The following COL24A1 variants were observed in gnomAD, a reference collection of about 807,000 sequenced individuals.
The protein encoded by COL24A1 is collagen alpha-1(XXIV) chain.
A neutral mutation model predicts 253.9 loss-of-function variants in COL24A1; 224 were observed. The ratio of observed to expected loss-of-function variants is 0.88; its 90% confidence interval spans 0.79 to 0.99. The LOEUF (loss-of-function observed/expected upper bound fraction) is 0.99. Ranked by LOEUF, COL24A1 falls within the 50% of genes least tolerant of loss-of-function variation. The pLI, the probability that COL24A1 is intolerant of heterozygous loss-of-function variation, is 0.00. For synonymous variants in COL24A1, 685 were observed against 673.7 expected (o/e 1.02, Z -0.26); for missense variants, 2,131 against 2,068.5 (o/e 1.03, Z -0.59).
intron 53 of COL24A1, among the ~76,000 whole-genome samples, chr1:85,769,750 TC>T (rs1235645671): frequency 6.6e-6 from 1 of 152,136 alleles, no homozygotes; most frequent in Non-Finnish European, 1.5e-5. Context: ...TCCTTCCCCT[TC>T]TCTGAATGTG....
chr1:85,798,316 C>T (rs764507612), intron 47 of COL24A1, among the ~76,000 whole-genome samples: 2 of 151,820 alleles, frequency 1.3e-5, no homozygotes, highest in Non-Finnish European at 2.9e-5. Context: ...GCCAAATACA[C>T]TGAACTTTGT....
chr1:86,054,139 A>G (rs1314389408), intron 10 of COL24A1, among the ~76,000 whole-genome samples: 1 of 152,152 alleles, frequency 6.6e-6, no homozygotes, highest in East Asian at 1.9e-4. Context: ...TAATATATAA[A>G]AATTAACTCA....
At chr1:85,823,414 T>C in intron 45 of COL24A1, 122 bp downstream of exon 45, 1 of 873,520 alleles carries the variant, frequency 1.1e-6, no homozygotes, top group South Asian at 1.5e-5. Context: ...AGGCCCATAG[T>C]GATCCATATT....
Position 85,772,425 on chromosome 1 carries a change from A to G in COL24A1, c.4374+3249T>C, listed in dbSNP as rs1007232426. Among the ~76,000 whole-genome samples, 4 of 152,174 alleles carry G rather than the reference A, an allele frequency of 2.6e-5. No homozygotes were observed. In the East Asian group the frequency reaches 7.8e-4, roughly 30 times the overall value. On this transcript the variant is annotated intron_variant, in intron 53 of 59. Coordinates refer to ENST00000370571, the MANE Select transcript of COL24A1 (RefSeq NM_152890.7). ...GATTCCTCAGGGATCTAGAACTAGA[A>G]ATACCATTTGACCCAGCCATCCCAT...
intron 6 of COL24A1, 128 bp from the exon 7 acceptor site, chr1:86,089,355 T>G: frequency 2.6e-6 from 2 of 763,730 alleles, no homozygotes; most frequent in Non-Finnish European, 4.3e-6. Context: ...CTTCACAATC[T>G]TTGAGCCTGT....
intron 12 of COL24A1, among the ~76,000 whole-genome samples, chr1:86,034,396 T>A (rs765319645): frequency 6.6e-6 from 1 of 152,138 alleles, no homozygotes; most frequent in Non-Finnish European, 1.5e-5. Flanking sequence ...TCATAACAGG[T>A]CTATTCAATA....
chr1:85,782,274 G>C lies in COL24A1; in HGVS notation c.4285-1001C>G, dbSNP rs1336633512. On this transcript the variant is annotated intron_variant, in intron 51 of 59. Coordinates refer to ENST00000370571, the MANE Select transcript of COL24A1 (RefSeq NM_152890.7). ...GCTAAATTTAAATATTTTTATTAGA[G>C]ATGGGGTTTTACCATATTGATCAGG... Among the ~76,000 whole-genome samples, 3 of 152,262 alleles carry C rather than the reference G, an allele frequency of 2.0e-5. No individual in the cohort carries two copies. In the South Asian group the frequency reaches 6.2e-4, roughly 32 times the overall value.
At chr1:86,113,837 C>CAAAAAAAAAAAA (rs36014881) in intron 4 of COL24A1, among the ~76,000 whole-genome samples, 22 of 72,424 alleles carry the variant, frequency 3.0e-4, no homozygotes, top group East Asian at 4.5e-4. Context: ...TCCTGTCTCA[C>CAAAAAAAAAAAA]AAAAAAAAAA....
At chr1:85,758,551 T>G (rs1364415291) in intron 55 of COL24A1, among the ~76,000 whole-genome samples, 2 of 152,174 alleles carry the variant, frequency 1.3e-5, no homozygotes, top group Non-Finnish European at 2.9e-5. Flanking sequence ...ATCCTCACAT[T>G]CAAATTCACC....
chr1:85,828,080 C>T (rs1161074285), intron 43 of COL24A1, among the ~76,000 whole-genome samples: 2 of 152,102 alleles, frequency 1.3e-5, no homozygotes, highest in African/African-American at 2.4e-5. Flanking sequence ...TTTCCCTCTA[C>T]ACACTGCTTT....
At chr1:85,810,443 T>A (rs1402003542) in intron 47 of COL24A1, among the ~76,000 whole-genome samples, 1 of 152,292 alleles carries the variant, frequency 6.6e-6, no homozygotes, top group Non-Finnish European at 1.5e-5. Context: ...ACTCTGCCTA[T>A]GGGGTAGCCC....
At chr1:85,782,768 G>A (rs1186992848) in intron 51 of COL24A1, among the ~76,000 whole-genome samples, 3 of 152,100 alleles carry the variant, frequency 2.0e-5, no homozygotes, top group African/African-American at 4.8e-5. Flanking sequence ...CCCTGCAGCT[G>A]CTATTAGTCA....
chr1:86,017,322 G>C, intron 18 of COL24A1, 118 bp from the exon 19 acceptor site: 1 of 921,784 alleles, frequency 1.1e-6, no homozygotes, highest in Admixed American at 3.7e-5. Flanking sequence ...TGTCAAACAA[G>C]GTTGTAATGA....
chr1:85,969,681 G>A (rs973897812), intron 22 of COL24A1, among the ~76,000 whole-genome samples: 1 of 138,952 alleles, frequency 7.2e-6, no homozygotes, highest in Non-Finnish European at 1.5e-5. Flanking sequence ...GAAATGAGAT[G>A]TATTTCATGT....
chr1:85,954,976 G>A lies in COL24A1; in HGVS notation c.2562+6273C>T, dbSNP rs1044876709. ...TAGGTAGGTCCCACTAAAACTAGCA[G>A]TCTCCTATTGATACGGAAGTGCAGG... On this transcript the variant is annotated intron_variant, in intron 24 of 59. Transcript: ENST00000370571. Among the ~76,000 whole-genome samples, 10 of 152,294 alleles carry A rather than the reference G, an allele frequency of 6.6e-5. No individual in the cohort carries two copies. The Middle Eastern group carries it at 0.017, about 259-fold the overall frequency.
intron 5 of COL24A1, among the ~76,000 whole-genome samples, chr1:86,096,882 C>A (rs1703926279): frequency 6.6e-6 from 1 of 151,448 alleles, no homozygotes; most frequent in Admixed American, 6.6e-5. Context: ...TTTCATAACT[C>A]CTTCTCTTTC....
chr1:85,744,023 A>G (rs946000501), intron 57 of COL24A1, among the ~76,000 whole-genome samples: 3 of 152,164 alleles, frequency 2.0e-5, no homozygotes, highest in South Asian at 4.1e-4. Flanking sequence ...TTCAAATCAT[A>G]CATTTTTTTT....
intron 53 of COL24A1, among the ~76,000 whole-genome samples, chr1:85,775,181 T>C (rs986882741): frequency 6.6e-6 from 1 of 152,218 alleles, no homozygotes; most frequent in African/African-American, 2.4e-5. Context: ...TTGTGCAGTT[T>C]TGAGTGAGAT....
chr1:86,010,474 C>G (rs1393305597), intron 19 of COL24A1, among the ~76,000 whole-genome samples: 1 of 152,100 alleles, frequency 6.6e-6, no homozygotes, highest in Non-Finnish European at 1.5e-5. Flanking sequence ...TTCAGTGTCA[C>G]TTATAGTGAG....
Sources: gnomAD v4.1 joint callset for allele counts (sites outside exome capture counted in the v4.1 genomes callset) on GRCh38, gnomAD v4.1.1 for gene constraint, MANE v1.5 for transcripts, NCBI Gene and HGNC (gene_info 2026-07-23, HGNC 2026-07-21) for gene names.